MCHR2: variants seen among roughly 807,000 people sequenced by gnomAD.
MCHR2 encodes melanin concentrating hormone receptor 2.
A neutral mutation model predicts 24.8 loss-of-function variants in MCHR2; 15 were observed. The observed-to-expected ratio is 0.60, with a 90% CI of 0.40 to 0.93. The LOEUF is 0.93. Ranked by LOEUF, MCHR2 falls within the 40% of genes least tolerant of loss-of-function variation. The pLI is 0.00. For synonymous variants in MCHR2, 151 were observed against 147.6 expected (o/e 1.02, Z -0.17); for missense variants, 386 against 408.7 (o/e 0.94, Z 0.48).
intron 1 of MCHR2, among the ~76,000 whole-genome samples, chr6:99,976,046 G>A (rs899469099): frequency 9.9e-5 from 15 of 152,164 alleles, no homozygotes; most frequent in Admixed American, 9.8e-4. Context: ...TATACAACTA[G>A]GGGAAGGTCT....
chr6:99,960,041 T>C (rs1217812682), intron 1 of MCHR2, among the ~76,000 whole-genome samples: 2 of 151,898 alleles, frequency 1.3e-5, no homozygotes, highest in Admixed American at 6.6e-5. Context: ...CTACCTCAAA[T>C]AGGCTACATC....
At chr6:99,923,526 T>A (rs1774285622) in intron 5 of MCHR2, among the ~76,000 whole-genome samples, 1 of 152,108 alleles carries the variant, frequency 6.6e-6, no homozygotes, top group Non-Finnish European at 1.5e-5. Flanking sequence ...TAGCTGGGTG[T>A]CTGTCATATA....
Position 99,934,535 on chromosome 6 carries a change from GAA to G in MCHR2, c.588-20_588-19del, listed in dbSNP as rs1491380320. On this transcript the variant is annotated intron_variant, in intron 4 of 5. Coordinates refer to ENST00000281806, the MANE Select transcript of MCHR2 (RefSeq NM_001040179.2). ...GTGTATACCTGTAAAATGAGAGAGA[GAA>G]GAGAGAGAGAGAAAGAACAACACCA... is the stretch of plus-strand genomic sequence containing the variant. The G allele has an allele frequency of 2.6e-6, 4 of 1,544,902 alleles. No homozygotes were observed. The highest frequency in any genetic ancestry group is 2.8e-5 in the African/African-American group (2 of 70,818).
chr6:99,967,636 G>T (rs1775318234), intron 1 of MCHR2, among the ~76,000 whole-genome samples: 2 of 152,162 alleles, frequency 1.3e-5, no homozygotes, highest in South Asian at 4.1e-4. Context: ...AAAATCATCT[G>T]GGGAAAAAAC....
At chr6:99,969,930 A>C (rs1775369873) in intron 1 of MCHR2, among the ~76,000 whole-genome samples, 1 of 146,584 alleles carries the variant, frequency 6.8e-6, no homozygotes, top group African/African-American at 2.5e-5. Context: ...CATGGTGTAT[A>C]TGTGCCACAT....
chr6:99,960,554 A>C (rs1775164932), intron 1 of MCHR2, among the ~76,000 whole-genome samples: 1 of 152,216 alleles, frequency 6.6e-6, no homozygotes, highest in Non-Finnish European at 1.5e-5. Flanking sequence ...ACAAAGCCAG[A>C]GGCATCATGC....
chr6:99,932,798 A>T (rs1009156427), intron 5 of MCHR2, among the ~76,000 whole-genome samples: 1 of 152,176 alleles, frequency 6.6e-6, no homozygotes. Flanking sequence ...ACTAAATCCA[A>T]TGTGCTATTC....
chr6:99,970,644 T>C (rs918800125), intron 1 of MCHR2, among the ~76,000 whole-genome samples: 24 of 152,340 alleles, frequency 1.6e-4, no homozygotes, highest in Admixed American at 3.3e-4. Flanking sequence ...CCCATGCCTA[T>C]GTCCTGAATG....
intron 1 of MCHR2, among the ~76,000 whole-genome samples, chr6:99,956,717 C>T (rs2397662): frequency 0.99 from 150,213 of 152,234 alleles, 74,133 homozygotes; most frequent in Middle Eastern, 1. Flanking sequence ...AAGGGAAAAG[C>T]GTTGTAGCCA....
chr6:99,992,204 T>C (rs925322992), intron 1 of MCHR2, among the ~76,000 whole-genome samples: 30 of 152,216 alleles, frequency 2.0e-4, no homozygotes, highest in African/African-American at 7.2e-4. Flanking sequence ...TGACTGTCCC[T>C]TGCAGGGATT....
Position 99,967,410 on chromosome 6 carries a change from A to ATGAT in MCHR2, c.-27-11240_-27-11237dup, listed in dbSNP as rs1236855809. On this transcript the variant is annotated intron_variant, in intron 1 of 5. Transcript: ENST00000281806. ...TAAAAAATGTATGGCAAAGAGGAACATGATGCAGAGATTAAATCAAAAGAC... is the reference window on the plus strand; with the variant it reads ...TAAAAAATGTATGGCAAAGAGGAACATGATTGATGCAGAGATTAAATCAAAAGAC... Among the ~76,000 whole-genome samples, 4 of 152,326 alleles carry ATGAT rather than the reference A, an allele frequency of 2.6e-5. No homozygotes were observed. The South Asian group carries it at 8.3e-4, about 32-fold the overall frequency.
chr6:99,926,760 T>C (rs1255068682), intron 5 of MCHR2, among the ~76,000 whole-genome samples: 1 of 152,162 alleles, frequency 6.6e-6, no homozygotes, highest in African/African-American at 2.4e-5. Context: ...GAGTAGGTTG[T>C]GAAAATTTTC....
chr6:99,923,322 CAT>C (rs1431053132), intron 5 of MCHR2, among the ~76,000 whole-genome samples: 1 of 152,036 alleles, frequency 6.6e-6, no homozygotes, highest in Non-Finnish European at 1.5e-5. Flanking sequence ...AATATAAAAT[CAT>C]GTCATCTGTA....
At chr6:99,922,482 T>A (rs1774259001) in intron 5 of MCHR2, among the ~76,000 whole-genome samples, 1 of 152,202 alleles carries the variant, frequency 6.6e-6, no homozygotes, top group East Asian at 1.9e-4. Flanking sequence ...GTCCTGGAGA[T>A]TTTCTCCAAT....
Position 99,947,824 on chromosome 6 carries a change from T to G in MCHR2, c.330A>C (p.Thr110=), listed in dbSNP as rs199776774. 16 of 1,613,842 alleles carry G rather than the reference T, an allele frequency of 9.9e-6. No individual in the cohort carries two copies. Among genetic ancestry groups the G allele is most frequent in the Middle Eastern group, 1.7e-4 (1 of 6,054 alleles). ...CAAATTGGTTACAAGTATCCAGGGA[T>G]GTGATGATGGTGCAGAGAGGCCCCC... The part of the protein sequence containing the change: ...VFGGPLCTII[T]SLDTCNQFAC... The change falls in exon 3 of 6, where the codon ACA becomes ACC. Residue 110 remains threonine, a synonymous_variant. Coordinates refer to ENST00000281806, the MANE Select transcript of MCHR2 (RefSeq NM_001040179.2).
At chr6:99,992,450 C>A (rs1325779365) in intron 1 of MCHR2, among the ~76,000 whole-genome samples, 1 of 152,166 alleles carries the variant, frequency 6.6e-6, no homozygotes. Flanking sequence ...CACAACAGAC[C>A]TCCCCTCAAA....
At chr6:99,974,642 T>C (rs545999195) in intron 1 of MCHR2, among the ~76,000 whole-genome samples, 18 of 152,342 alleles carry the variant, frequency 1.2e-4, no homozygotes, top group African/African-American at 4.3e-4. Context: ...CGCTCTGCTT[T>C]TTAGAGTTTC....
intron 5 of MCHR2, 45 bp from the exon 6 acceptor site, chr6:99,921,300 A>C (rs766484307): frequency 1.3e-6 from 2 of 1,554,942 alleles, no homozygotes; most frequent in South Asian, 2.3e-5. Flanking sequence ...ACAACCATAG[A>C]AATTATGGGG....
chr6:99,980,028 C>A (rs182139968), intron 1 of MCHR2, among the ~76,000 whole-genome samples: 2 of 152,178 alleles, frequency 1.3e-5, no homozygotes, highest in African/African-American at 4.8e-5. Flanking sequence ...CATTAAAGTA[C>A]TGTCATATGA....
Sources: gnomAD v4.1 joint callset for allele counts (sites outside exome capture counted in the v4.1 genomes callset) on GRCh38, gnomAD v4.1.1 for gene constraint, MANE v1.5 for transcripts, NCBI Gene and HGNC (gene_info 2026-07-23, HGNC 2026-07-21) for gene names.